The following KIF15 variants were observed in gnomAD, a reference collection of about 807,000 sequenced individuals.
KIF15 encodes the protein kinesin-like protein KIF15.
KIF15 carries 140 observed loss-of-function variants against 190.6 expected under a neutral mutation model. The observed-to-expected ratio is 0.73, with a 90% CI of 0.64 to 0.84. The LOEUF (loss-of-function observed/expected upper bound fraction) is 0.84, where lower values mean the gene tolerates loss of function less well. Among genes scored for constraint, KIF15 ranks in the 40% least tolerant of loss-of-function variants. The pLI is 0.00. For missense variants in KIF15, 1,372 were observed against 1,584.4 expected, an observed-to-expected ratio of 0.87 and a Z score of 2.28; for synonymous variants, 528 against 551.3, an observed-to-expected ratio of 0.96 and a Z score of 0.59.
intron 24 of KIF15, among the ~76,000 whole-genome samples, chr3:44,829,023 G>C (rs1327116634): frequency 6.7e-6 from 1 of 150,242 alleles, no homozygotes; most frequent in African/African-American, 2.5e-5. Context: ...GGCAACAAGA[G>C]CGAAACTCTG....
At chr3:44,782,665 G>A (rs1460765800) in intron 5 of KIF15, among the ~76,000 whole-genome samples, 4 of 152,180 alleles carry the variant, frequency 2.6e-5, no homozygotes, top group African/African-American at 9.7e-5. Flanking sequence ...AAAGTAGAGG[G>A]TGCTATTTTA....
intron 30 of KIF15, among the ~76,000 whole-genome samples, chr3:44,844,639 C>T (rs934433935): frequency 1.3e-5 from 2 of 152,194 alleles, no homozygotes; most frequent in Non-Finnish European, 2.9e-5. Context: ...TTTCTTCCCA[C>T]TACCAACATA....
intron 32 of KIF15, among the ~76,000 whole-genome samples, 166 bp downstream of exon 32, chr3:44,848,724 C>G (rs1698957483): frequency 1.3e-5 from 2 of 152,064 alleles, no homozygotes; most frequent in South Asian, 4.1e-4. Flanking sequence ...AAAAGGGTTT[C>G]TCATGTGAAG....
chr3:44,780,239 C>T (rs998808135), intron 4 of KIF15, among the ~76,000 whole-genome samples: 10 of 152,030 alleles, frequency 6.6e-5, no homozygotes, highest in East Asian at 1.9e-4. Context: ...CTGGCTTCAA[C>T]GTTTTTACTT....
intron 1 of KIF15, among the ~76,000 whole-genome samples, chr3:44,766,550 C>T (rs1438845390): frequency 6.6e-6 from 1 of 152,148 alleles, no homozygotes; most frequent in East Asian, 1.9e-4. Flanking sequence ...CAATGATACA[C>T]TGACATCCTG....
At position 44,843,209 on chromosome 3, in the gene KIF15, G is replaced by T. The variant is rs749653363; in HGVS notation, c.3670G>T (p.Asp1224Tyr). The T allele has an allele frequency of 2.3e-5, 37 of 1,612,546 alleles. No homozygotes were observed. The South Asian group carries it at 3.2e-4, about 14-fold the overall frequency. Residue 1224 changes from aspartate (D) to tyrosine (Y), a missense_variant, in exon 30 of 35, where the codon GAT (aspartate) becomes TAT (tyrosine). Asp to Tyr is a radical substitution (Grantham distance 160). Transcript: ENST00000326047. Reference protein sequence around the residue: ...KNWLLQGQLDDIKRQKENSDQ... With the variant: ...KNWLLQGQLDYIKRQKENSDQ... ...CTGGCTCCTGCAAGGTCAGCTGGAT[G>T]ATATTAAAAGACAAAAGGAAAACAG...
rs2125682611 is a variant in KIF15 at position 44,823,129 on chromosome 3, C to G, written c.2550-2910C>G. 3.3e-5 allele frequency among the ~76,000 whole-genome samples: 5 copies of G among 152,250 alleles called. No homozygotes were observed. The South Asian group carries it at 1.0e-3, about 32-fold the overall frequency. On this transcript the variant is annotated intron_variant, in intron 20 of 34. Transcript: ENST00000326047. ...TTCAGCTTTTCTCCTGTGGTTTCTCCCCATTTTTGTGGTTTTATCTACCTT... is the reference window on the plus strand; with the variant it reads ...TTCAGCTTTTCTCCTGTGGTTTCTCGCCATTTTTGTGGTTTTATCTACCTT...
chr3:44,816,844 A>G (rs1396007213), intron 20 of KIF15, among the ~76,000 whole-genome samples: 3 of 152,190 alleles, frequency 2.0e-5, no homozygotes, highest in Non-Finnish European at 2.9e-5. Context: ...TAACTAATTT[A>G]CGCTCTCACC....
rs1000692622 is a variant in KIF15, at chr3:44,827,404, A to C, written c.2787-55A>C. ...TAATCTATTCTGTACTAACAGATTC[A>C]GTTCCTGTTTTCATTGAGTGAAGTC... On this transcript the variant is annotated intron_variant, in intron 22 of 34. Transcript: ENST00000326047. The C allele has an allele frequency of 2.5e-5, 31 of 1,233,616 alleles. No individual in the cohort carries two copies. The Admixed American group carries it at 5.4e-4, about 22-fold the overall frequency. The allele number at this position is 1,233,616 out of a possible 1,614,324, so 76.4% of individuals were successfully genotyped here.
At chr3:44,776,667 T>C (rs1705905988) in intron 3 of KIF15, among the ~76,000 whole-genome samples, 1 of 152,160 alleles carries the variant, frequency 6.6e-6, no homozygotes, top group South Asian at 2.1e-4. Context: ...TACCGTGATG[T>C]CAACAACTGC....
chr3:44,771,732 A>G (rs1705648664), intron 1 of KIF15, among the ~76,000 whole-genome samples: 1 of 152,268 alleles, frequency 6.6e-6, no homozygotes, highest in Admixed American at 6.5e-5. Flanking sequence ...TGGTGCCTTA[A>G]GAGAACCTTG....
At chr3:44,850,472 A>G (rs770285286) in intron 32 of KIF15, among the ~76,000 whole-genome samples, 3 of 152,204 alleles carry the variant, frequency 2.0e-5, no homozygotes, top group Non-Finnish European at 2.9e-5. Flanking sequence ...AGTTTATTTC[A>G]TAGTCTAGTA....
At chr3:44,863,302 C>CT (rs71696108) in intron 6 of KIF15, 2 of 89,206 alleles carry the variant, frequency 2.2e-5, no homozygotes, top group African/African-American at 3.7e-5. Flanking sequence ...GATTCCGCAC[C>CT]CCCCCCCCCC....
At chr3:44,815,653 G>A (rs983668538) in intron 20 of KIF15, among the ~76,000 whole-genome samples, 3 of 152,184 alleles carry the variant, frequency 2.0e-5, no homozygotes, top group African/African-American at 7.2e-5. Flanking sequence ...ACTCTACAAA[G>A]GCTGGCTGAT....
intron 6 of KIF15, chr3:44,865,320 C>A: frequency 8.9e-7 from 1 of 1,126,878 alleles, no homozygotes; most frequent in Non-Finnish European, 1.3e-6. Context: ...TCTGATGGAG[C>A]AGGCTCTGGC....
intron 1 of KIF15, among the ~76,000 whole-genome samples, chr3:44,773,604 A>G (rs1705738721): frequency 6.6e-6 from 1 of 152,256 alleles, no homozygotes; most frequent in African/African-American, 2.4e-5. Flanking sequence ...GCTGGGTTGG[A>G]ATGAGGCCAA....
At position 44,788,469 on chromosome 3, in the gene KIF15, T is replaced by A. The variant is rs541810065; in HGVS notation, c.639+1895T>A. Among the ~76,000 whole-genome samples, 11 of 152,258 alleles carry A rather than the reference T, an allele frequency of 7.2e-5. No individual in the cohort carries two copies. The South Asian group carries it at 1.9e-3, about 26-fold the overall frequency. ...TTTCTTTTTTTCTTTTTCTTTTTTTTTTGAGACAGGGTCTCGCTCTGTCAC... is the reference window on the plus strand; with the variant it reads ...TTTCTTTTTTTCTTTTTCTTTTTTTATTGAGACAGGGTCTCGCTCTGTCAC... On this transcript the variant is annotated intron_variant, in intron 7 of 34. Transcript: ENST00000326047.
intron 6 of KIF15, among the ~76,000 whole-genome samples, chr3:44,868,320 C>A (rs1168135866): frequency 6.6e-6 from 1 of 152,136 alleles, no homozygotes; most frequent in Non-Finnish European, 1.5e-5. Context: ...GAATAATACT[C>A]CATTGTGTGG....
At chr3:44,765,742 G>T (rs1444857941) in intron 1 of KIF15, among the ~76,000 whole-genome samples, 2 of 152,132 alleles carry the variant, frequency 1.3e-5, no homozygotes, top group Non-Finnish European at 2.9e-5. Context: ...AAGTGAACAG[G>T]CCTGCAATTT....
Sources: gnomAD v4.1 joint callset for allele counts (sites outside exome capture counted in the v4.1 genomes callset) on GRCh38, gnomAD v4.1.1 for gene constraint, MANE v1.5 for transcripts, NCBI Gene and HGNC (gene_info 2026-07-23, HGNC 2026-07-21) for gene names.